Variants in CFAP20DC observed in about 807,000 individuals in gnomAD.
CFAP20DC encodes CFAP20 domain containing.
A neutral mutation model predicts 101.7 loss-of-function variants in CFAP20DC; 84 were observed. The observed-to-expected ratio is 0.83, with a 90% CI of 0.69 to 0.99. The LOEUF is 0.99. CFAP20DC is among the 50% of genes least tolerant of loss of function. The probability of loss-of-function intolerance (pLI) is 0.00; values close to 1 mark genes in which losing one functional copy is unlikely to be tolerated. For missense variants in CFAP20DC, 1,007 were observed against 970.3 expected (o/e 1.04, Z -0.50); for synonymous variants, 359 against 351.2 (o/e 1.02, Z -0.25).
chr3:58,783,712 G>A (rs749339800), intron 15 of CFAP20DC, among the ~76,000 whole-genome samples: 28 of 151,812 alleles, frequency 1.8e-4, no homozygotes, highest in Non-Finnish European at 3.8e-4. Flanking sequence ...ATCAGTAATC[G>A]TCAGGGAAAT....
chr3:58,945,952 C>T (rs2089296770), intron 4 of CFAP20DC, among the ~76,000 whole-genome samples: 1 of 151,848 alleles, frequency 6.6e-6, no homozygotes, highest in Non-Finnish European at 1.5e-5. Context: ...ACCTCGACCT[C>T]CCAAAGTGCT....
At position 58,722,401 on chromosome 3, in the gene CFAP20DC, C is replaced by T. The variant is rs17059742; in HGVS notation, c.198-4773G>A. ...GTTGTGCAGTGAGAGGTAACTGGGA[C>T]GCATGTTAAAGGAGCCATGATAGGC... is the stretch of plus-strand genomic sequence containing the variant. On this transcript the variant is annotated intron_variant, in intron 3 of 3. Coordinates refer to the CFAP20DC transcript ENST00000486145. The surrounding 1 kb of genome is among the most constrained non-coding windows in gnomAD (Gnocchi z 4.5). 0.014 allele frequency among the ~76,000 whole-genome samples: 2,080 copies of T among 152,186 alleles called. 37 individuals carry two copies. The highest frequency in any genetic ancestry group is 0.046 in the African/African-American group (1,896 of 41,484).
chr3:58,950,774 G>A (rs891431726), intron 4 of CFAP20DC, among the ~76,000 whole-genome samples: 24 of 152,180 alleles, frequency 1.6e-4, no homozygotes, highest in African/African-American at 5.3e-4. Flanking sequence ...GATGGATTAA[G>A]GACTTAAATG....
At chr3:58,777,559 T>C (rs544798628) in intron 15 of CFAP20DC, among the ~76,000 whole-genome samples, 1 of 152,338 alleles carries the variant, frequency 6.6e-6, no homozygotes, top group East Asian at 1.9e-4. Flanking sequence ...ATGATATCTA[T>C]GGAATATATT....
intron 4 of CFAP20DC, chr3:58,970,386 A>G (rs2091881757): frequency 6.6e-6 from 1 of 152,192 alleles, no homozygotes; most frequent in African/African-American, 2.4e-5. Flanking sequence ...ACAGACGGAG[A>G]GGATGCTGTG....
chr3:58,866,812 CAA>C (rs1313960305), intron 10 of CFAP20DC, 124 bp from the exon 11 acceptor site: 8 of 559,036 alleles, frequency 1.4e-5, no homozygotes, highest in Non-Finnish European at 2.4e-5. Context: ...TTAGAGGTAA[CAA>C]TATGAATTAC....
At chr3:59,017,753 T>A (rs1361346977) in intron 4 of CFAP20DC, 1 of 152,102 alleles carries the variant, frequency 6.6e-6, no homozygotes, top group Non-Finnish European at 1.5e-5. Context: ...CTTGAGCTAG[T>A]TCACCTAAAT....
At chr3:58,746,038 G>A (rs533443304) in intron 16 of CFAP20DC, among the ~76,000 whole-genome samples, 14 of 152,204 alleles carry the variant, frequency 9.2e-5, no homozygotes, top group Non-Finnish European at 1.9e-4. Flanking sequence ...AAAGGGTTAT[G>A]TACGTTTATA....
At chr3:58,800,296 G>GC (rs2107688446) in intron 15 of CFAP20DC, among the ~76,000 whole-genome samples, 1 of 152,314 alleles carries the variant, frequency 6.6e-6, no homozygotes, top group Non-Finnish European at 1.5e-5. Flanking sequence ...ATGGCAACCT[G>GC]CACTCAGACT....
Position 58,817,416 on chromosome 3 carries a change from T to C in CFAP20DC, c.2176-10960A>G, listed in dbSNP as rs1394226777. Reference sequence around the variant, plus strand: ...AAAAAAATTTAGAAGAATGTATAACTAGAATAACCAATACAGAGAAGTGCT... The same window carrying C: ...AAAAAAATTTAGAAGAATGTATAACCAGAATAACCAATACAGAGAAGTGCT... On this transcript the variant is annotated intron_variant, in intron 14 of 16. Coordinates refer to ENST00000482387, the MANE Select transcript of CFAP20DC (RefSeq NM_001394063.1). Among the ~76,000 whole-genome samples, 6 of 149,360 alleles carry C rather than the reference T, an allele frequency of 4.0e-5. No homozygotes were observed. The East Asian group carries it at 5.9e-4, about 15-fold the overall frequency.
chr3:58,858,367 A>G (rs2079002385), intron 12 of CFAP20DC, among the ~76,000 whole-genome samples: 1 of 152,220 alleles, frequency 6.6e-6, no homozygotes, highest in Non-Finnish European at 1.5e-5. Context: ...CCAAGGAGCC[A>G]GCACTTCCTC....
intron 4 of CFAP20DC, among the ~76,000 whole-genome samples, chr3:59,037,582 T>C (rs2094127070): frequency 6.6e-6 from 1 of 152,150 alleles, no homozygotes; most frequent in Non-Finnish European, 1.5e-5. Context: ...CACAATGAGA[T>C]ACCATCTCAT....
chr3:58,945,845 C>T (rs2089284012), intron 4 of CFAP20DC, among the ~76,000 whole-genome samples: 1 of 151,282 alleles, frequency 6.6e-6, no homozygotes, highest in Non-Finnish European at 1.5e-5. Flanking sequence ...TACAGGCGCA[C>T]ACCACCATAC....
chr3:58,754,761 G>C (rs750966685), intron 15 of CFAP20DC, among the ~76,000 whole-genome samples: 2 of 152,126 alleles, frequency 1.3e-5, no homozygotes, highest in African/African-American at 2.4e-5. Flanking sequence ...AAGAGCACTG[G>C]CTCTGCAGGC....
intron 5 of CFAP20DC, among the ~76,000 whole-genome samples, chr3:58,935,306 C>A (rs1184994012): frequency 2.6e-5 from 4 of 151,950 alleles, no homozygotes; most frequent in Non-Finnish European, 5.9e-5. Flanking sequence ...ATTCCATGCT[C>A]ATGGGTAGGA....
chr3:59,048,528 T>C (rs1050018505), intron 1 of CFAP20DC, among the ~76,000 whole-genome samples: 3 of 152,174 alleles, frequency 2.0e-5, no homozygotes, highest in Non-Finnish European at 2.9e-5. Flanking sequence ...TGCTTTCCCA[T>C]GTCCTCCAAG....
intron 4 of CFAP20DC, among the ~76,000 whole-genome samples, chr3:58,974,627 A>T (rs964551603): frequency 1.3e-5 from 2 of 152,108 alleles, no homozygotes; most frequent in Non-Finnish European, 2.9e-5. Context: ...TTCCTTATCT[A>T]TGATAAACAT....
At chr3:58,870,439 TA>T in intron 7 of CFAP20DC, 130 bp from the exon 8 acceptor site, 2 of 811,676 alleles carry the variant, frequency 2.5e-6, no homozygotes, top group Non-Finnish European at 2.0e-6. Context: ...CAGCATGTAT[TA>T]AAAACACAGA....
At chr3:58,995,602 G>A (rs1027300483) in intron 4 of CFAP20DC, among the ~76,000 whole-genome samples, 1 of 151,934 alleles carries the variant, frequency 6.6e-6, no homozygotes, top group Non-Finnish European at 1.5e-5. Context: ...CCAGAGATTT[G>A]GTTAAACATT....
Sources: allele counts gnomAD v4.1 joint callset (sites outside exome capture counted in the v4.1 genomes callset), GRCh38; gene constraint gnomAD v4.1.1; non-coding constraint Gnocchi (gnomAD v3.1); transcripts MANE v1.5; gene names NCBI Gene and HGNC (gene_info 2026-07-23, HGNC 2026-07-21).